Variants in MYCBP2 observed in about 807,000 individuals in gnomAD.
The protein encoded by MYCBP2 is E3 ubiquitin-protein ligase MYCBP2.
Under a neutral mutation model 525.3 loss-of-function variants are expected in MYCBP2, and 120 were observed. The ratio of observed to expected loss-of-function variants is 0.23; its 90% CI spans 0.20 to 0.27. The LOEUF is 0.27. Ranked by LOEUF, MYCBP2 falls within the 10% of genes least tolerant of loss-of-function variation. The probability of loss-of-function intolerance (pLI) is 1.00; values close to 1 mark genes in which losing one functional copy is unlikely to be tolerated. For synonymous variants in MYCBP2, 1,894 were observed against 1,955.8 expected, an observed-to-expected ratio of 0.97 and a Z score of 0.83; for missense variants, 4,149 against 5,657.1, an observed-to-expected ratio of 0.73 and a Z score of 8.55.
At chr13:77,300,000 AAT>A (rs1245491652) in intron 1 of MYCBP2, among the ~76,000 whole-genome samples, 2 of 152,236 alleles carry the variant, frequency 1.3e-5, no homozygotes, top group Non-Finnish European at 2.9e-5. Flanking sequence ...GATATAGATC[AAT>A]AGTTTCTCTA....
At chr13:77,188,433 G>C (rs537791527) in intron 30 of MYCBP2, among the ~76,000 whole-genome samples, 1 of 152,138 alleles carries the variant, frequency 6.6e-6, no homozygotes, top group Non-Finnish European at 1.5e-5. Flanking sequence ...TAATACATGA[G>C]AGATCAAGAC....
intron 77 of MYCBP2, among the ~76,000 whole-genome samples, chr13:77,059,155 T>A (rs1301585872): frequency 6.6e-6 from 1 of 152,040 alleles, no homozygotes; most frequent in African/African-American, 2.4e-5. Context: ...ACATAGAATA[T>A]GTTTATATAT....
At chr13:77,201,455 C>T (rs996829034) in intron 26 of MYCBP2, among the ~76,000 whole-genome samples, 3 of 152,104 alleles carry the variant, frequency 2.0e-5, no homozygotes, top group Non-Finnish European at 4.4e-5. Flanking sequence ...GAGACTTTAA[C>T]ACCCCACTGT....
intron 76 of MYCBP2, 82 bp downstream of exon 76, chr13:77,061,087 T>G (rs887635752): frequency 2.1e-5 from 29 of 1,398,634 alleles, no homozygotes; most frequent in Non-Finnish European, 2.6e-5. Flanking sequence ...TCACTCAAAA[T>G]TATTCACAGT....
At chr13:77,311,735 GA>G (rs1193035446) in intron 1 of MYCBP2, among the ~76,000 whole-genome samples, 1 of 150,250 alleles carries the variant, frequency 6.7e-6, no homozygotes, top group Non-Finnish European at 1.5e-5. Flanking sequence ...GAAAAACAGA[GA>G]AAAAAAATTG....
At chr13:77,251,400 T>A in intron 14 of MYCBP2, 45 bp from the exon 15 acceptor site, 1 of 1,512,372 alleles carries the variant, frequency 6.6e-7, no homozygotes, top group Non-Finnish European at 9.2e-7. Flanking sequence ...GTTACTTTCA[T>A]GTATAAAAGA....
At chr13:77,142,915 T>C (rs2054912093) in intron 49 of MYCBP2, among the ~76,000 whole-genome samples, 1 of 152,190 alleles carries the variant, frequency 6.6e-6, no homozygotes, top group Non-Finnish European at 1.5e-5. Flanking sequence ...GTCCAAAATC[T>C]AGAATACTTC....
intron 55 of MYCBP2, among the ~76,000 whole-genome samples, chr13:77,115,813 C>T (rs2049647409): frequency 6.6e-6 from 1 of 151,488 alleles, no homozygotes; most frequent in Admixed American, 6.6e-5. Flanking sequence ...TTATGACATT[C>T]AGGAAATCTT....
intron 55 of MYCBP2, among the ~76,000 whole-genome samples, chr13:77,115,317 T>A (rs2154150650): frequency 6.6e-6 from 1 of 151,934 alleles, no homozygotes; most frequent in Non-Finnish European, 1.5e-5. Context: ...TTCACTAAAA[T>A]TTTTTTGCCA....
At chr13:77,157,913 G>A (rs1034735108) in intron 45 of MYCBP2, 24 bp downstream of exon 45, 7 of 1,575,270 alleles carry the variant, frequency 4.4e-6, no homozygotes, top group Non-Finnish European at 4.3e-6. Context: ...CTAAAATAAA[G>A]TAAGTAACTT....
Position 77,326,835 on chromosome 13 carries a change from G to T in MYCBP2, c.-60C>A. ...CCGCGGGCCGGGCGGGCAGACACGCGCGCGCACACACAGCCCTTTTCCAAC... is the reference window on the plus strand; with the variant it reads ...CCGCGGGCCGGGCGGGCAGACACGCTCGCGCACACACAGCCCTTTTCCAAC... On this transcript the variant is annotated 5_prime_UTR_variant, in exon 1 of 83. Coordinates refer to ENST00000544440, the MANE Select transcript of MYCBP2 (RefSeq NM_015057.5). This position sits in a 1 kb window ranked among gnomAD's most constrained non-coding sequence, Gnocchi z 4.2. 1 of 1,363,456 alleles carries T rather than the reference G, an allele frequency of 7.3e-7. No individual in the cohort carries two copies. Among genetic ancestry groups the T allele is most frequent in the Non-Finnish European group, 9.4e-7 (1 of 1,068,038 alleles). 84.5% of individuals were successfully genotyped at this position (1,363,456 alleles called of 1,614,324 possible). A position where few individuals can be genotyped will look rare whatever the true frequency, so the allele number is the denominator to read the frequency against.
chr13:77,187,881 A>AC (rs910151197), intron 30 of MYCBP2, among the ~76,000 whole-genome samples: 96 of 152,036 alleles, frequency 6.3e-4, no homozygotes, highest in African/African-American at 2.1e-3. Flanking sequence ...CGAGACCACC[A>AC]CCAACATGGT....
rs1438345223 is a variant in MYCBP2, at chr13:77,067,884, G to A, written c.12172-20C>T. 6 of 1,589,294 alleles carry A rather than the reference G, an allele frequency of 3.8e-6. No homozygotes were observed. The South Asian group carries it at 4.5e-5, about 12-fold the overall frequency. On this transcript the variant is annotated intron_variant, in intron 70 of 82. Transcript: ENST00000544440. ...GGTTACCTGGTAAGAAAAATAAAAT[G>A]AGAGAATTCCATGTAAAGACTAATG...
Position 77,168,577 on chromosome 13 carries a change from C to G in MYCBP2, c.5965G>C (p.Ala1989Pro). The change falls in exon 40 of 83, where the codon GCA (alanine) becomes CCA (proline). Residue 1989 changes from alanine (A) to proline (P), a missense_variant. Ala to Pro is a conservative substitution (Grantham distance 27). Transcript: ENST00000544440. ...TGATTAGGGTTGAAGGCAGGCGGTG[C>G]ATACTTCTGATTCAAAATGGCAACT... ...PSVAILNQKYAPPAFNPNQST... is the reference protein window; with the variant it reads ...PSVAILNQKYPPPAFNPNQST... 1 of 1,614,132 alleles carries G rather than the reference C, an allele frequency of 6.2e-7. No individual in the cohort carries two copies. Among genetic ancestry groups the G allele is most frequent in the Non-Finnish European group, 8.5e-7 (1 of 1,180,026 alleles).
chr13:77,202,139 G>A (rs368103288), intron 26 of MYCBP2, among the ~76,000 whole-genome samples: 21 of 151,910 alleles, frequency 1.4e-4, no homozygotes, highest in South Asian at 4.1e-4. Flanking sequence ...TTGATAGACC[G>A]CTAACAAGAC....
chr13:77,203,073 G>C (rs1300374141), intron 26 of MYCBP2, among the ~76,000 whole-genome samples: 1 of 151,550 alleles, frequency 6.6e-6, no homozygotes, highest in African/African-American at 2.4e-5. Context: ...GGAAATAAAG[G>C]GTATTCAATT....
At chr13:77,290,239 G>A (rs1165650991) in intron 2 of MYCBP2, among the ~76,000 whole-genome samples, 1 of 152,188 alleles carries the variant, frequency 6.6e-6, no homozygotes, top group Admixed American at 6.5e-5. Flanking sequence ...GTGGGGATGA[G>A]GAGAAACTTA....
intron 42 of MYCBP2, 50 bp downstream of exon 42, chr13:77,165,223 C>G: frequency 6.7e-7 from 1 of 1,488,056 alleles, no homozygotes; most frequent in Non-Finnish European, 9.3e-7. Context: ...CTCACTAGCC[C>G]TTAGAAACAC....
chr13:77,304,911 A>G (rs1050603980), intron 1 of MYCBP2, among the ~76,000 whole-genome samples: 3 of 152,020 alleles, frequency 2.0e-5, no homozygotes, highest in Admixed American at 1.3e-4. Flanking sequence ...TAAAATGGAT[A>G]AATTCCTTGA....
Sources: allele counts gnomAD v4.1 joint callset (sites outside exome capture counted in the v4.1 genomes callset), GRCh38; gene constraint gnomAD v4.1.1; non-coding constraint Gnocchi (gnomAD v3.1); transcripts MANE v1.5; gene names NCBI Gene and HGNC (gene_info 2026-07-23, HGNC 2026-07-21).